The following LINGO2 variants were observed in gnomAD, a reference collection of about 807,000 sequenced individuals.
LINGO2 encodes the protein leucine-rich repeat and immunoglobulin-like domain-containing nogo receptor-interacting protein 2.
LINGO2 carries 14 observed loss-of-function variants against 30.6 expected under a neutral mutation model. The observed-to-expected ratio is 0.46, with a 90% confidence interval of 0.30 to 0.72. The LOEUF is 0.72. Among genes scored for constraint, LINGO2 ranks in the 30% least tolerant of loss-of-function variants. The pLI is 0.07. For missense variants in LINGO2, 729 were observed against 751.7 expected, an observed-to-expected ratio of 0.97 and a Z score of 0.35; for synonymous variants, 317 against 288.5, an observed-to-expected ratio of 1.10 and a Z score of -1.00.
chr9:27,949,951 T>A, exon 6 of LINGO2: 1 of 1,614,022 alleles, frequency 6.2e-7, no homozygotes, highest in Non-Finnish European at 8.5e-7. Context: ...TTGGCAGGCA[T>A]CATATCCAGT....
chr9:28,141,825 T>C (rs1372543674), intron 4 of LINGO2, among the ~76,000 whole-genome samples: 3 of 152,062 alleles, frequency 2.0e-5, no homozygotes, highest in African/African-American at 7.2e-5. Flanking sequence ...GGCAGGAGAA[T>C]CACTTGAACC....
At chr9:28,363,325 A>G (rs1439752381) in intron 3 of LINGO2, among the ~76,000 whole-genome samples, 2 of 152,218 alleles carry the variant, frequency 1.3e-5, no homozygotes, top group Non-Finnish European at 2.9e-5. Flanking sequence ...CAAGAGTAAG[A>G]AAATAAAGAG....
chr9:28,625,952 T>C (rs1308817721), intron 1 of LINGO2, among the ~76,000 whole-genome samples: 5 of 152,072 alleles, frequency 3.3e-5, no homozygotes, highest in Non-Finnish European at 7.4e-5. Flanking sequence ...AAATACCGAA[T>C]AGGAAAATTA....
chr9:28,176,145 G>T (rs952933834), intron 4 of LINGO2, among the ~76,000 whole-genome samples: 1 of 152,160 alleles, frequency 6.6e-6, no homozygotes, highest in African/African-American at 2.4e-5. Context: ...TACCTTGTAA[G>T]CTCTACTATT....
At chr9:28,089,687 T>C (rs545166864) in intron 4 of LINGO2, among the ~76,000 whole-genome samples, 4 of 152,140 alleles carry the variant, frequency 2.6e-5, no homozygotes, top group African/African-American at 9.6e-5. Flanking sequence ...ATTCAAAAGC[T>C]AGCAGAAGGC....
intron 4 of LINGO2, among the ~76,000 whole-genome samples, chr9:28,190,537 C>A (rs1819787008): frequency 6.6e-6 from 1 of 152,140 alleles, no homozygotes; most frequent in Non-Finnish European, 1.5e-5. Context: ...CCAGAGAGTT[C>A]TCTCGTTTCT....
Position 28,535,696 on chromosome 9 carries a change from G to A in LINGO2, c.-364-59671C>T, listed in dbSNP as rs566102943. On this transcript the variant is annotated intron_variant, in intron 1 of 5. Coordinates refer to ENST00000379992, the Ensembl canonical transcript of LINGO2. Reference sequence around the variant, plus strand: ...ACACATATGTACACCACATGAGTACGTGCATGCACACACACACACACGTGT... The same window carrying A: ...ACACATATGTACACCACATGAGTACATGCATGCACACACACACACACGTGT... Among the ~76,000 whole-genome samples, 16 of 150,440 alleles carry A rather than the reference G, an allele frequency of 1.1e-4. No individual in the cohort carries two copies. In the South Asian group the frequency reaches 1.7e-3, roughly 16 times the overall value.
chr9:28,170,150 A>C (rs1828541936), intron 4 of LINGO2, among the ~76,000 whole-genome samples: 1 of 152,200 alleles, frequency 6.6e-6, no homozygotes, highest in Non-Finnish European at 1.5e-5. Flanking sequence ...TGTATATTTG[A>C]ATGAATGTTT....
chr9:28,625,948 C>T (rs548342745), intron 1 of LINGO2, among the ~76,000 whole-genome samples: 19 of 151,566 alleles, frequency 1.3e-4, no homozygotes, highest in Admixed American at 7.2e-4. Context: ...GGGTAAATAC[C>T]GAATAGGAAA....
chr9:29,035,837 C>A, the LINGO2 span, among the ~76,000 whole-genome samples: 3 of 151,692 alleles, frequency 2.0e-5, no homozygotes, highest in Non-Finnish European at 4.4e-5. Flanking sequence ...CTTTATCCCA[C>A]AAGGAAATGG....
the LINGO2 span, among the ~76,000 whole-genome samples, chr9:29,199,808 T>C: frequency 1.3e-5 from 2 of 151,914 alleles, no homozygotes; most frequent in African/African-American, 4.8e-5. Flanking sequence ...TTTAGCCCCA[T>C]AGCGCAGGTT....
In LINGO2 at chr9:28,045,439, TTGCA is replaced by T. The variant is rs1336326975; in HGVS notation, c.-86-33038_-86-33035del. Among the ~76,000 whole-genome samples the T allele has an allele frequency of 2.0e-4, 30 of 152,318 alleles. 1 individual carries two copies. In the East Asian group the frequency reaches 4.8e-3, roughly 25 times the overall value. ...AGCAACTTATAAAGCTATATTCTCT[TTGCA>T]TATCTGAATGTTGTGTAATTTGACT... On this transcript the variant is annotated intron_variant, in intron 4 of 5. Transcript: ENST00000379992.
chr9:28,025,603 TG>T (rs1251227499), intron 4 of LINGO2, among the ~76,000 whole-genome samples: 1 of 152,156 alleles, frequency 6.6e-6, no homozygotes, highest in African/African-American at 2.4e-5. Context: ...AGTCAAGGTG[TG>T]AATGGGCATG....
chr9:28,265,049 T>C (rs1228830330), intron 4 of LINGO2, among the ~76,000 whole-genome samples: 2 of 151,892 alleles, frequency 1.3e-5, no homozygotes, highest in African/African-American at 4.8e-5. Context: ...CAATATCAAA[T>C]CCTGGCAAAG....
At chr9:28,589,206 C>G (rs914283277) in intron 1 of LINGO2, among the ~76,000 whole-genome samples, 1 of 152,044 alleles carries the variant, frequency 6.6e-6, no homozygotes, top group African/African-American at 2.4e-5. Flanking sequence ...ACTGAATGGA[C>G]AAAAACTGGA....
At chr9:28,959,015 T>A in the LINGO2 span, among the ~76,000 whole-genome samples, 1 of 152,116 alleles carries the variant, frequency 6.6e-6, no homozygotes, top group African/African-American at 2.4e-5. Flanking sequence ...TGGAACACAA[T>A]CATTGGAGAA....
intron 4 of LINGO2, among the ~76,000 whole-genome samples, chr9:28,256,365 T>C (rs1822382476): frequency 6.6e-6 from 1 of 151,882 alleles, no homozygotes; most frequent in Admixed American, 6.6e-5. Flanking sequence ...ATTAATTCTT[T>C]AAGAGCACAT....
At chr9:28,984,239 T>C in the LINGO2 span, among the ~76,000 whole-genome samples, 2 of 152,202 alleles carry the variant, frequency 1.3e-5, no homozygotes, top group South Asian at 2.1e-4. Context: ...CATTTCGTAA[T>C]AGTTAGGGAT....
chr9:28,714,145 G>C, the LINGO2 span, among the ~76,000 whole-genome samples: 1 of 138,996 alleles, frequency 7.2e-6, no homozygotes, highest in Non-Finnish European at 1.6e-5. Context: ...GGTGACAAGA[G>C]TGAAACTATG....
Sources: allele counts gnomAD v4.1 joint callset (sites outside exome capture counted in the v4.1 genomes callset), GRCh38; gene constraint gnomAD v4.1.1; transcripts MANE v1.5; gene names NCBI Gene and HGNC (gene_info 2026-07-23, HGNC 2026-07-21).